The following EXOC4 variants were observed in gnomAD, a reference collection of about 807,000 sequenced individuals.
EXOC4 encodes exocyst complex component 4.
Under a neutral mutation model 107.2 loss-of-function variants are expected in EXOC4, and 71 were observed. That is an observed-to-expected ratio of 0.66 (90% confidence interval 0.55 to 0.81). The LOEUF (loss-of-function observed/expected upper bound fraction) is 0.81. EXOC4 is among the 30% of genes least tolerant of loss of function. EXOC4 has a pLI of 0.00. For missense variants in EXOC4, 1,108 were observed against 1,189.6 expected, an observed-to-expected ratio of 0.93 and a Z score of 1.01; for synonymous variants, 456 against 441.2, an observed-to-expected ratio of 1.03 and a Z score of -0.42.
At chr7:134,098,597 G>A in the EXOC4 span, among the ~76,000 whole-genome samples, 584 of 152,292 alleles carry the variant, frequency 3.8e-3, 1 homozygote, top group African/African-American at 0.013. Flanking sequence ...TACTTCAGGG[G>A]TAGCAGTTGG....
chr7:133,327,642 T>C (rs1795280503), intron 5 of EXOC4, among the ~76,000 whole-genome samples: 1 of 152,208 alleles, frequency 6.6e-6, no homozygotes. Context: ...ATTGTGTCTT[T>C]GTTCTCATTG....
intron 9 of EXOC4, among the ~76,000 whole-genome samples, chr7:133,547,622 T>C (rs1359639539): frequency 6.6e-6 from 1 of 152,182 alleles, no homozygotes; most frequent in African/African-American, 2.4e-5. Flanking sequence ...TAATTCTAAA[T>C]CCTTTGTTGT....
intron 17 of EXOC4, among the ~76,000 whole-genome samples, chr7:134,053,888 C>G (rs1382637899): frequency 1.3e-5 from 2 of 152,046 alleles, no homozygotes; most frequent in East Asian, 1.9e-4. Flanking sequence ...ACAACAAAGA[C>G]AAATTAATGT....
intron 1 of EXOC4, among the ~76,000 whole-genome samples, chr7:133,258,539 A>G (rs1347883246): frequency 6.6e-6 from 1 of 152,210 alleles, no homozygotes; most frequent in Non-Finnish European, 1.5e-5. Flanking sequence ...GGAACATCAC[A>G]TGAGATGAGG....
At chr7:133,674,036 A>G (rs908668378) in intron 10 of EXOC4, among the ~76,000 whole-genome samples, 3 of 152,202 alleles carry the variant, frequency 2.0e-5, no homozygotes, top group African/African-American at 7.2e-5. Flanking sequence ...GAGTTCAAGG[A>G]AGGCAAGGAA....
chr7:133,898,562 G>A (rs556463611), intron 12 of EXOC4, among the ~76,000 whole-genome samples: 2 of 95,154 alleles, frequency 2.1e-5, no homozygotes, highest in African/African-American at 1.1e-4. Context: ...TGGTTAACAC[G>A]GTGAAACCCC....
intron 17 of EXOC4, among the ~76,000 whole-genome samples, chr7:134,014,963 A>AGAATTTTTG (rs1279547869): frequency 1.3e-5 from 2 of 152,214 alleles, no homozygotes; most frequent in Non-Finnish European, 2.9e-5. Context: ...AGATAAAGGA[A>AGAATTTTTG]GAATTTTTGG....
intron 10 of EXOC4, among the ~76,000 whole-genome samples, chr7:133,795,834 TCAC>T (rs984037691): frequency 6.6e-6 from 1 of 152,198 alleles, no homozygotes; most frequent in African/African-American, 2.4e-5. Context: ...GGTATTAATT[TCAC>T]CAACTATATC....
At chr7:134,041,062 G>A (rs1795504877) in intron 17 of EXOC4, among the ~76,000 whole-genome samples, 1 of 152,082 alleles carries the variant, frequency 6.6e-6, no homozygotes, top group Non-Finnish European at 1.5e-5. Flanking sequence ...TTTGCATATA[G>A]CCTCCTCTCC....
At chr7:133,993,966 A>T (rs1794320509) in intron 14 of EXOC4, among the ~76,000 whole-genome samples, 1 of 152,232 alleles carries the variant, frequency 6.6e-6, no homozygotes, top group African/African-American at 2.4e-5. Context: ...AGAATCTGTA[A>T]TGGAGTGAGC....
chr7:133,314,710 A>G (rs1794950677), intron 4 of EXOC4, among the ~76,000 whole-genome samples: 1 of 152,200 alleles, frequency 6.6e-6, no homozygotes, highest in African/African-American at 2.4e-5. Flanking sequence ...ACACATAGTA[A>G]CAACTGTTTC....
chr7:134,052,727 T>A (rs1795826445), intron 17 of EXOC4, among the ~76,000 whole-genome samples: 1 of 152,212 alleles, frequency 6.6e-6, no homozygotes, highest in African/African-American at 2.4e-5. Flanking sequence ...AAAACTGAAG[T>A]TGAGACAGGT....
intron 10 of EXOC4, among the ~76,000 whole-genome samples, chr7:133,656,969 A>G (rs1803314562): frequency 6.6e-6 from 1 of 152,226 alleles, no homozygotes; most frequent in African/African-American, 2.4e-5. Flanking sequence ...CTAATTTAAC[A>G]TATGCTGTGA....
At chr7:133,722,319 T>C (rs190846584) in intron 10 of EXOC4, among the ~76,000 whole-genome samples, 1 of 152,370 alleles carries the variant, frequency 6.6e-6, no homozygotes, top group African/African-American at 2.4e-5. Context: ...CATACTCAGC[T>C]ACTTTACCTG....
intron 9 of EXOC4, among the ~76,000 whole-genome samples, chr7:133,566,616 G>A (rs1314406267): frequency 6.6e-6 from 1 of 152,112 alleles, no homozygotes; most frequent in Non-Finnish European, 1.5e-5. Context: ...TAGACCGGAA[G>A]GTACATATTA....
intron 3 of EXOC4, among the ~76,000 whole-genome samples, chr7:133,295,588 T>C (rs372877830): frequency 7.0e-4 from 107 of 152,272 alleles, no homozygotes; most frequent in African/African-American, 2.5e-3. Context: ...CATTTTAGTG[T>C]TAGAAGAGTT....
chr7:133,328,891 A>G (rs557048843), intron 5 of EXOC4, among the ~76,000 whole-genome samples: 2 of 152,106 alleles, frequency 1.3e-5, no homozygotes, highest in South Asian at 2.1e-4. Flanking sequence ...TGATGGTTAT[A>G]TGTCTTGGGG....
chr7:133,886,232 C>G (rs1799083140), intron 11 of EXOC4, among the ~76,000 whole-genome samples: 1 of 152,212 alleles, frequency 6.6e-6, no homozygotes, highest in African/African-American at 2.4e-5. Flanking sequence ...TTAAAGGTTT[C>G]TGAAGTCCTC....
intron 2 of EXOC4, among the ~76,000 whole-genome samples, chr7:133,278,231 C>T (rs1045800955): frequency 2.6e-5 from 4 of 152,244 alleles, no homozygotes; most frequent in Middle Eastern, 3.4e-3. Flanking sequence ...CTCTATGTAT[C>T]GAGTGTCTGC....
Sources: gnomAD v4.1 joint callset for allele counts (sites outside exome capture counted in the v4.1 genomes callset) on GRCh38, gnomAD v4.1.1 for gene constraint, MANE v1.5 for transcripts, NCBI Gene and HGNC (gene_info 2026-07-23, HGNC 2026-07-21) for gene names.